The following PACRG variants were observed in gnomAD, a reference collection of about 807,000 sequenced individuals.
PACRG encodes the protein parkin coregulated.
PACRG carries 29 observed loss-of-function variants against 29.7 expected under a neutral mutation model. The ratio of observed to expected loss-of-function variants is 0.98; its 90% confidence interval spans 0.73 to 1.33. PACRG has a LOEUF of 1.33. Ranked by LOEUF, PACRG falls within the 40% of genes most tolerant of loss-of-function variation. The pLI is 0.00. For synonymous variants in PACRG, 116 were observed against 118.7 expected, an observed-to-expected ratio of 0.98 and a Z score of 0.15; for missense variants, 279 against 316.2, an observed-to-expected ratio of 0.88 and a Z score of 0.89.
At chr6:162,757,346 A>G (rs1782004727) in intron 1 of PACRG, among the ~76,000 whole-genome samples, 1 of 152,182 alleles carries the variant, frequency 6.6e-6, no homozygotes, top group Non-Finnish European at 1.5e-5. Context: ...GATTAAAGAA[A>G]CATTATATAA....
chr6:163,089,505 G>A, intron 4 of PACRG, 97 bp downstream of exon 4: 1 of 1,399,516 alleles, frequency 7.1e-7, no homozygotes, highest in Non-Finnish European at 9.8e-7. Context: ...ATTTATTATT[G>A]CATATAAACC....
intron 1 of PACRG, among the ~76,000 whole-genome samples, chr6:162,807,234 G>T (rs912646111): frequency 6.6e-6 from 1 of 152,192 alleles, no homozygotes; most frequent in African/African-American, 2.4e-5. Context: ...TCAGCAATAA[G>T]CCTGTTTCAC....
intron 2 of PACRG, among the ~76,000 whole-genome samples, chr6:162,863,717 A>G (rs780825268): frequency 6.6e-5 from 10 of 152,224 alleles, no homozygotes; most frequent in Non-Finnish European, 1.5e-4. Flanking sequence ...GTATGTATGT[A>G]TTATTTAATA....
At chr6:163,151,971 T>C (rs1376339428) in intron 4 of PACRG, among the ~76,000 whole-genome samples, 4 of 152,322 alleles carry the variant, frequency 2.6e-5, no homozygotes, top group Non-Finnish European at 5.9e-5. Flanking sequence ...TTTTCTTTTC[T>C]CTTTAATTTC....
chr6:163,142,390 G>T (rs925137734), intron 4 of PACRG, among the ~76,000 whole-genome samples: 3 of 151,870 alleles, frequency 2.0e-5, no homozygotes, highest in Admixed American at 2.0e-4. Flanking sequence ...TCAGTTGAAA[G>T]AAATAATTTA....
In PACRG at chr6:162,932,639, A is replaced by T. The variant is rs78774418; in HGVS notation, c.291+118358A>T. Among the ~76,000 whole-genome samples, 853 of 151,684 alleles carry T rather than the reference A, an allele frequency of 5.6e-3. 7 individuals are homozygous for T. Among genetic ancestry groups the T allele is most frequent in the African/African-American group, 0.02 (828 of 41,394 alleles). ...GATTTTATGTGTCCAGAAGCTTATC[A>T]TTTTTTTCTAGGTTTCTAATTTGTA... On this transcript the variant is annotated intron_variant, in intron 2 of 4. Transcript: ENST00000366888.
At chr6:163,129,713 C>A (rs150982774) in intron 4 of PACRG, among the ~76,000 whole-genome samples, 1 of 151,722 alleles carries the variant, frequency 6.6e-6, no homozygotes, top group African/African-American at 2.4e-5. Flanking sequence ...CACCTCTTTC[C>A]GACTGTACAT....
chr6:163,240,769 T>A (rs1330294345), intron 4 of PACRG, among the ~76,000 whole-genome samples: 1 of 152,224 alleles, frequency 6.6e-6, no homozygotes, highest in Non-Finnish European at 1.5e-5. Flanking sequence ...CGCTGCCCTG[T>A]GGAGGGAACG....
At chr6:162,909,515 A>T (rs10945864) in intron 2 of PACRG, among the ~76,000 whole-genome samples, 15,034 of 144,174 alleles carry the variant, frequency 0.1, 787 homozygotes, top group Admixed American at 0.15. Flanking sequence ...AGATCGCGCC[A>T]CTGCACTCCA....
chr6:163,003,610 T>G (rs1804779119), intron 2 of PACRG, among the ~76,000 whole-genome samples: 1 of 152,192 alleles, frequency 6.6e-6, no homozygotes, highest in Non-Finnish European at 1.5e-5. Flanking sequence ...ATTTTCAGTT[T>G]TAATTATTCT....
At chr6:163,305,499 T>C (rs1168316105) in intron 4 of PACRG, among the ~76,000 whole-genome samples, 5 of 152,208 alleles carry the variant, frequency 3.3e-5, no homozygotes, top group Admixed American at 3.3e-4. Context: ...CTTGTATTCA[T>C]GAAAGCCTTA....
At chr6:163,124,251 C>CA (rs1816425071) in intron 4 of PACRG, among the ~76,000 whole-genome samples, 1 of 152,148 alleles carries the variant, frequency 6.6e-6, no homozygotes, top group South Asian at 2.1e-4. Context: ...GTGGCCTTTC[C>CA]ACTCTGTTGA....
chr6:162,964,720 C>T (rs971970939), intron 2 of PACRG, among the ~76,000 whole-genome samples: 6 of 152,138 alleles, frequency 3.9e-5, no homozygotes, highest in African/African-American at 1.4e-4. Flanking sequence ...TGGCCGCCAG[C>T]ATAAGGAATG....
chr6:162,727,773 C>T (rs1409091750), upstream of PACRG: 9 of 1,212,340 alleles, frequency 7.4e-6, no homozygotes, highest in African/African-American at 1.5e-5. Flanking sequence ...TCCTCCAGGC[C>T]TCCCCGCCCC....
At chr6:163,120,832 A>G (rs965224914) in intron 4 of PACRG, among the ~76,000 whole-genome samples, 16 of 152,166 alleles carry the variant, frequency 1.1e-4, no homozygotes, top group African/African-American at 3.9e-4. Flanking sequence ...AGCCGGGGGA[A>G]TAAGCTAGAC....
chr6:162,957,132 T>A (rs867821283), intron 2 of PACRG: 7 of 206,086 alleles, frequency 3.4e-5, no homozygotes, highest in African/African-American at 1.6e-4. Context: ...TGTCTGAGAC[T>A]CACTAGAAAA....
chr6:163,018,150 A>C (rs1329681171), intron 2 of PACRG, among the ~76,000 whole-genome samples: 1 of 152,066 alleles, frequency 6.6e-6, no homozygotes, highest in East Asian at 1.9e-4. Flanking sequence ...ATTTGGAGTA[A>C]TATTCCTTTA....
rs557560116 is a variant in PACRG, at chr6:163,055,634, TTTG to T, written c.292-6510_292-6508del. 7.5e-4 allele frequency among the ~76,000 whole-genome samples: 115 copies of T among 152,344 alleles called. No homozygotes were observed. Among genetic ancestry groups the T allele is most frequent in the African/African-American group, 2.7e-3 (111 of 41,576 alleles). ...TAATGGCAAATTGTTATTCTATTAT[TTTG>T]TTGTTATTTGTTTTTTATTGTTTTA... On this transcript the variant is annotated intron_variant, in intron 2 of 4. Transcript: ENST00000366888. This position sits in a 1 kb window ranked among gnomAD's most constrained non-coding sequence, Gnocchi z 4.0.
In PACRG at chr6:162,860,655, G is replaced by A. The variant is rs147772808; in HGVS notation, c.291+46374G>A. On this transcript the variant is annotated intron_variant, in intron 2 of 4. Coordinates refer to ENST00000366888, the MANE Select transcript of PACRG (RefSeq NM_001080379.2). ...ATAAGTTGAGATTTAATATTTAATG[G>A]TTTCTCTCAAATTCCTGATTGGTCA... Among the ~76,000 whole-genome samples the A allele has an allele frequency of 1.7e-3, 256 of 152,232 alleles. 7 individuals are homozygous for A. In the South Asian group the frequency reaches 0.051, roughly 30 times the overall value.
Sources: allele counts gnomAD v4.1 joint callset (sites outside exome capture counted in the v4.1 genomes callset), GRCh38; gene constraint gnomAD v4.1.1; non-coding constraint Gnocchi (gnomAD v3.1); transcripts MANE v1.5; gene names NCBI Gene and HGNC (gene_info 2026-07-23, HGNC 2026-07-21).